Variants in DHRSX observed in about 807,000 individuals in gnomAD.
The protein encoded by DHRSX is polyprenol dehydrogenase.
DHRSX carries 31 observed loss-of-function variants against 34.0 expected under a neutral mutation model. That is an observed-to-expected ratio of 0.91 (90% CI 0.69 to 1.23). The LOEUF (loss-of-function observed/expected upper bound fraction) is 1.23, where lower values mean the gene tolerates loss of function less well. DHRSX is among the 50% of genes most tolerant of loss of function. The probability of loss-of-function intolerance (pLI) is 0.00; values close to 1 mark genes in which losing one functional copy is unlikely to be tolerated. For synonymous variants in DHRSX, 201 were observed against 183.8 expected (o/e 1.09, Z -0.76); for missense variants, 414 against 428.1 (o/e 0.97, Z 0.29).
At chrX:2,226,044 T>C (rs1162066600) in intron 6 of DHRSX, among the ~76,000 whole-genome samples, 3 of 152,044 alleles carry the variant, frequency 2.0e-5, no homozygotes, top group Non-Finnish European at 2.9e-5. Flanking sequence ...AGCCCACACC[T>C]TCATCTTGGA....
intron 5 of DHRSX, among the ~76,000 whole-genome samples, chrX:2,258,308 A>T (rs1294374765): frequency 1.3e-5 from 2 of 152,028 alleles, no homozygotes; most frequent in Non-Finnish European, 2.9e-5. Context: ...CAGAGAGAAG[A>T]TGGCGTCTAC....
At chrX:2,500,589 C>T (rs2045396495) in intron 1 of DHRSX, 1 of 194,150 alleles carries the variant, frequency 5.2e-6, no homozygotes, top group Non-Finnish European at 1.0e-5. Flanking sequence ...TCGGGCCGGG[C>T]CAGGCGCGCA....
At chrX:2,490,932 G>C (rs781289827) in intron 1 of DHRSX, among the ~76,000 whole-genome samples, 2 of 152,316 alleles carry the variant, frequency 1.3e-5, no homozygotes, top group South Asian at 4.1e-4. Context: ...TTGCAGAGTG[G>C]AGGAGGGAAC....
At chrX:2,461,689 G>T (rs970894253) in intron 1 of DHRSX, among the ~76,000 whole-genome samples, 5 of 152,060 alleles carry the variant, frequency 3.3e-5, no homozygotes, top group Non-Finnish European at 7.4e-5. Context: ...CCACACACGC[G>T]TGGCACCATG....
intron 3 of DHRSX, chrX:2,334,831 G>A (rs1002619244): frequency 7.2e-5 from 11 of 152,022 alleles, no homozygotes; most frequent in African/African-American, 2.4e-4. Flanking sequence ...GTATATATTT[G>A]CAGGCCCCTC....
chrX:2,289,368 T>G (rs902073547), intron 4 of DHRSX, among the ~76,000 whole-genome samples: 1 of 152,150 alleles, frequency 6.6e-6, no homozygotes, highest in African/African-American at 2.4e-5. Context: ...TCCACTCACC[T>G]CAGCCTCCCA....
chrX:2,480,860 G>A (rs138603796), intron 1 of DHRSX, among the ~76,000 whole-genome samples: 1,626 of 152,076 alleles, frequency 0.011, 14 homozygotes, highest in Middle Eastern at 0.048. Context: ...CAGTTAGATA[G>A]AAGAAATAAA....
intron 1 of DHRSX, among the ~76,000 whole-genome samples, chrX:2,462,136 G>A (rs2044410544): frequency 6.7e-6 from 1 of 148,762 alleles, no homozygotes; most frequent in Non-Finnish European, 1.5e-5. Context: ...TGTTAGATCT[G>A]AACTCTTTCT....
chrX:2,288,433 C>T (rs1318114071), intron 4 of DHRSX, among the ~76,000 whole-genome samples: 2 of 152,126 alleles, frequency 1.3e-5, no homozygotes, highest in African/African-American at 4.8e-5. Flanking sequence ...CAGGGTTTCA[C>T]AATGTTGTCC....
intron 3 of DHRSX, among the ~76,000 whole-genome samples, chrX:2,383,974 A>T (rs2043242710): frequency 6.6e-6 from 1 of 152,216 alleles, no homozygotes; most frequent in Non-Finnish European, 1.5e-5. Context: ...TTAAGACAAC[A>T]GTGTGACTCA....
intron 3 of DHRSX, among the ~76,000 whole-genome samples, chrX:2,314,796 T>G (rs2042222549): frequency 1.3e-5 from 2 of 152,146 alleles, no homozygotes; most frequent in African/African-American, 4.8e-5. Flanking sequence ...CTCATGATTT[T>G]GCCTGGAGCA....
intron 1 of DHRSX, among the ~76,000 whole-genome samples, chrX:2,429,277 C>G (rs372269607): frequency 6.6e-6 from 1 of 152,174 alleles, no homozygotes; most frequent in East Asian, 1.9e-4. Flanking sequence ...TACAGACACA[C>G]AGTATGCATA....
At chrX:2,309,354 A>T (rs754852239) in intron 3 of DHRSX, among the ~76,000 whole-genome samples, 1 of 152,182 alleles carries the variant, frequency 6.6e-6, no homozygotes, top group Non-Finnish European at 1.5e-5. Flanking sequence ...ATAGCAGAAG[A>T]AATTTGCTAG....
chrX:2,294,120 G>A (rs896009066), intron 3 of DHRSX, among the ~76,000 whole-genome samples: 1 of 151,894 alleles, frequency 6.6e-6, no homozygotes, highest in African/African-American at 2.4e-5. Flanking sequence ...AAAGGAGGGG[G>A]AGGAAAAGGG....
intron 1 of DHRSX, among the ~76,000 whole-genome samples, chrX:2,463,092 C>A (rs902277303): frequency 2.6e-5 from 4 of 152,176 alleles, no homozygotes; most frequent in Admixed American, 6.6e-5. Context: ...GCATCCCCAC[C>A]ACACACTGAA....
chrX:2,220,975 C>T lies in DHRSX; in HGVS notation c.*66G>A, dbSNP rs1197110150. 3 of 1,534,564 alleles carry T rather than the reference C, an allele frequency of 2.0e-6. No homozygotes were observed. The highest frequency in any genetic ancestry group is 2.4e-5 in the South Asian group (2 of 82,234). The stretch of plus-strand genomic sequence containing the variant: ...AGAAACTCAAACACCGCAGTCTTCA[C>T]AGACCCACAAGCTATTGGCAGGTGC... On this transcript the variant is annotated 3_prime_UTR_variant, in exon 7 of 7. Coordinates refer to ENST00000334651, the MANE Select transcript of DHRSX (RefSeq NM_145177.3).
intron 1 of DHRSX, among the ~76,000 whole-genome samples, chrX:2,464,606 C>T (rs1324235547): frequency 1.3e-5 from 2 of 150,772 alleles, no homozygotes; most frequent in African/African-American, 2.4e-5. Flanking sequence ...GGACAGCTGC[C>T]GTGTGCACAC....
At chrX:2,351,488 C>G (rs2042788305) in intron 3 of DHRSX, among the ~76,000 whole-genome samples, 1 of 152,162 alleles carries the variant, frequency 6.6e-6, no homozygotes, top group Non-Finnish European at 1.5e-5. Context: ...TCCTTGCTGA[C>G]ACAGACTTGG....
intron 1 of DHRSX, among the ~76,000 whole-genome samples, chrX:2,440,616 A>C (rs2044050940): frequency 6.7e-6 from 1 of 150,356 alleles, no homozygotes; most frequent in African/African-American, 2.5e-5. Context: ...TCTTTCTCCC[A>C]TGCTGGATGC....
Sources: allele counts gnomAD v4.1 joint callset (sites outside exome capture counted in the v4.1 genomes callset), GRCh38; gene constraint gnomAD v4.1.1; transcripts MANE v1.5; gene names NCBI Gene and HGNC (gene_info 2026-07-23, HGNC 2026-07-21).